TCEA1: variants seen among roughly 807,000 people sequenced by gnomAD.
TCEA1 encodes the protein transcription elongation factor A protein 1.
A neutral mutation model predicts 43.8 loss-of-function variants in TCEA1; 21 were observed. The ratio of observed to expected loss-of-function variants is 0.48; its 90% confidence interval spans 0.34 to 0.69. The LOEUF is 0.69. Among genes scored for constraint, TCEA1 ranks in the 30% least tolerant of loss-of-function variants. The pLI, the probability that TCEA1 is intolerant of heterozygous loss-of-function variation, is 0.01. For synonymous variants in TCEA1, 104 were observed against 117.5 expected, an observed-to-expected ratio of 0.88 and a Z score of 0.75; for missense variants, 250 against 365.1, an observed-to-expected ratio of 0.68 and a Z score of 2.57.
At chr8:53,974,147 T>C (rs961989530) in intron 8 of TCEA1, 1 of 155,902 alleles carries the variant, frequency 6.4e-6, no homozygotes, top group South Asian at 2.0e-4. Flanking sequence ...GCCTTGTCAA[T>C]GTTTATTAAA....
chr8:54,013,375 T>C (rs1804716513), intron 1 of TCEA1, among the ~76,000 whole-genome samples: 1 of 151,840 alleles, frequency 6.6e-6, no homozygotes, highest in African/African-American at 2.4e-5. Context: ...CTTTAAGAAA[T>C]AACTATGGGC....
chr8:54,007,311 A>G (rs1804499848), intron 2 of TCEA1, among the ~76,000 whole-genome samples: 1 of 152,168 alleles, frequency 6.6e-6, no homozygotes, highest in African/African-American at 2.4e-5. Flanking sequence ...TAAATGTAAG[A>G]TAGTAATGTT....
chr8:53,979,239 C>T (rs993137195), intron 7 of TCEA1, 68 bp from the exon 8 acceptor site: 2 of 1,393,018 alleles, frequency 1.4e-6, no homozygotes. Context: ...TGCTTTTATG[C>T]TCAATTAGCC....
rs367818389 is a variant in TCEA1 at position 53,998,962 on chromosome 8, C to A, written c.232+983G>T. Reference sequence around the variant, plus strand: ...AGCTATGTGAGGCCAGGCGAGGTGGCTCACGCCTGTAATCCCAGCACTTTG... The same window carrying A: ...AGCTATGTGAGGCCAGGCGAGGTGGATCACGCCTGTAATCCCAGCACTTTG... On this transcript the variant is annotated intron_variant, in intron 3 of 9. Transcript: ENST00000521604. Among the ~76,000 whole-genome samples the A allele has an allele frequency of 9.2e-5, 14 of 152,250 alleles. No homozygotes were observed. In the East Asian group the frequency reaches 9.7e-4, roughly 11 times the overall value.
At chr8:54,002,929 G>A (rs1329673276) in intron 2 of TCEA1, 2 of 456,162 alleles carry the variant, frequency 4.4e-6, no homozygotes, top group Non-Finnish European at 8.8e-6. Context: ...AGCCTTAGGG[G>A]TCAGCTGCAC....
chr8:53,999,418 T>A (rs1171917774), intron 3 of TCEA1, among the ~76,000 whole-genome samples: 1 of 151,556 alleles, frequency 6.6e-6, no homozygotes, highest in Non-Finnish European at 1.5e-5. Flanking sequence ...CATAAAAAAA[T>A]AAGATTGTAG....
chr8:54,001,592 A>T (rs1458871109), intron 2 of TCEA1, among the ~76,000 whole-genome samples: 2 of 152,226 alleles, frequency 1.3e-5, no homozygotes, highest in Non-Finnish European at 2.9e-5. Context: ...ATAACTTATT[A>T]GTGTGGTTCT....
chr8:53,999,243 AAAAG>A (rs1383523054), intron 3 of TCEA1, among the ~76,000 whole-genome samples: 1 of 150,032 alleles, frequency 6.7e-6, no homozygotes, highest in Non-Finnish European at 1.5e-5. Context: ...AAAAAAAAAA[AAAAG>A]AAAGAAAACT....
chr8:54,002,770 G>T (rs1389994292), intron 2 of TCEA1: 1 of 387,536 alleles, frequency 2.6e-6, no homozygotes, highest in Non-Finnish European at 5.1e-6. Context: ...CTGTTTTCTT[G>T]ACTGCAGGAC....
At chr8:54,008,170 C>T (rs989977869) in intron 2 of TCEA1, among the ~76,000 whole-genome samples, 3 of 80,122 alleles carry the variant, frequency 3.7e-5, no homozygotes, top group Middle Eastern at 0.011. Flanking sequence ...GAAACTGTGT[C>T]TCAAAAAAAA....
At chr8:53,973,599 G>T (rs900688455) in intron 8 of TCEA1, 3 of 563,118 alleles carry the variant, frequency 5.3e-6, no homozygotes, top group Admixed American at 2.2e-5. Flanking sequence ...TGAGGAGGAG[G>T]AAAGTAAGAA....
intron 7 of TCEA1, among the ~76,000 whole-genome samples, chr8:53,979,692 T>C (rs1195238390): frequency 6.6e-6 from 1 of 152,214 alleles, no homozygotes; most frequent in Non-Finnish European, 1.5e-5. Context: ...AATGTAGACA[T>C]AGTTTCTATA....
At chr8:53,981,377 C>G (rs192737072) in intron 7 of TCEA1, among the ~76,000 whole-genome samples, 1 of 152,184 alleles carries the variant, frequency 6.6e-6, no homozygotes, top group African/African-American at 2.4e-5. Context: ...TTGAAGGACT[C>G]TCTTGTTAGG....
At chr8:53,977,950 A>G (rs1397615527) in intron 8 of TCEA1, among the ~76,000 whole-genome samples, 1 of 152,236 alleles carries the variant, frequency 6.6e-6, no homozygotes, top group African/African-American at 2.4e-5. Context: ...CAATTTACCT[A>G]GTAACCAATA....
chr8:54,005,578 A>G (rs752836613), intron 2 of TCEA1, among the ~76,000 whole-genome samples: 38 of 152,106 alleles, frequency 2.5e-4, no homozygotes, highest in Non-Finnish European at 4.1e-4. Context: ...AAATGGCACC[A>G]TCTACCCAGT....
At chr8:53,980,313 TAC>T (rs1420040634) in intron 7 of TCEA1, among the ~76,000 whole-genome samples, 1 of 152,238 alleles carries the variant, frequency 6.6e-6, no homozygotes, top group Non-Finnish European at 1.5e-5. Context: ...TTTTACCAGC[TAC>T]AGTCATACTT....
intron 2 of TCEA1, among the ~76,000 whole-genome samples, chr8:54,009,219 C>T (rs1804573860): frequency 6.6e-6 from 1 of 151,360 alleles, no homozygotes; most frequent in South Asian, 2.1e-4. Flanking sequence ...AACTCATACA[C>T]TGTTAATGGG....
At chr8:54,004,349 T>G (rs1344844904) in intron 2 of TCEA1, among the ~76,000 whole-genome samples, 2 of 152,174 alleles carry the variant, frequency 1.3e-5, no homozygotes, top group African/African-American at 4.8e-5. Context: ...CATAGCAGTG[T>G]GATACATAAC....
intron 8 of TCEA1, among the ~76,000 whole-genome samples, chr8:53,977,637 G>A (rs2129300036): frequency 6.6e-6 from 1 of 151,984 alleles, no homozygotes; most frequent in South Asian, 2.1e-4. Flanking sequence ...GTCCCTTAAG[G>A]AGACAATCTT....
Sources: allele counts gnomAD v4.1 joint callset (sites outside exome capture counted in the v4.1 genomes callset), GRCh38; gene constraint gnomAD v4.1.1; transcripts MANE v1.5; gene names NCBI Gene and HGNC (gene_info 2026-07-23, HGNC 2026-07-21).